The following CIAO2B variants were observed in gnomAD, a reference collection of about 807,000 sequenced individuals.
CIAO2B encodes the protein MSS19-interacting protein of 18 kDa.
In CIAO2B, 20 loss-of-function variants were observed where a neutral mutation model predicts 16.4. The observed-to-expected ratio is 1.22, with a 90% confidence interval of 0.86 to 1.77. The LOEUF (loss-of-function observed/expected upper bound fraction) is 1.77, where lower values mean the gene tolerates loss of function less well. Ranked by LOEUF, CIAO2B falls within the 40% of genes most tolerant of loss-of-function variation. The probability of loss-of-function intolerance (pLI) is 0.00; values close to 1 mark genes in which losing one functional copy is unlikely to be tolerated. For missense variants in CIAO2B, 215 were observed against 222.4 expected, an observed-to-expected ratio of 0.97 and a Z score of 0.21; for synonymous variants, 106 against 90.4, an observed-to-expected ratio of 1.17 and a Z score of -0.98.
Position 66,934,329 on chromosome 16 carries a change from C to A in CIAO2B, c.36G>T (p.Leu12=). 6.3e-7 allele frequency: 1 copy of A among 1,591,202 alleles called. No individual in the cohort carries two copies. ...GGTAGATGAGGGGGTTGGCATTCTC[C>A]AGGAGGCCGCCGCCGACCCCGCCGC... is the stretch of plus-strand genomic sequence containing the variant. ...VGGGGVGGGL[L]ENANPLIYQR... The change falls in exon 1 of 5, where the codon CTG becomes CTT. Residue 12 remains leucine, a synonymous_variant. Coordinates refer to ENST00000422424, the MANE Select transcript of CIAO2B (RefSeq NM_016062.4). This position sits in a 1 kb window ranked among gnomAD's most constrained non-coding sequence, Gnocchi z 4.1.
In CIAO2B at chr16:66,932,275, C is replaced by A. The variant is rs780334623; in HGVS notation, c.420G>T (p.Glu140Asp). The stretch of plus-strand genomic sequence containing the variant: ...TGTTCTCCAGGGCAGCTGCCACCCG[C>A]TCCTTATCTGCAAGTTGCTTGTTCA... ...HAVNKQLADKERVAAALENTH... is the reference protein window; with the variant it reads ...HAVNKQLADKDRVAAALENTH... Residue 140 changes from glutamate (E) to aspartate (D), a missense_variant, in exon 5 of 5, where the codon GAG becomes GAT. By Grantham distance (45) the Glu-to-Asp change is conservative (BLOSUM62 2). Coordinates refer to ENST00000422424, the MANE Select transcript of CIAO2B (RefSeq NM_016062.4). 108 of 1,613,706 alleles carry A rather than the reference C, an allele frequency of 6.7e-5. No homozygotes were observed. Among genetic ancestry groups the A allele is most frequent in the Non-Finnish European group, 9.2e-5 (108 of 1,179,842 alleles).
intron 2 of CIAO2B, 46 bp downstream of exon 2, chr16:66,933,941 C>A (rs1385957397): frequency 6.2e-7 from 1 of 1,608,630 alleles, no homozygotes; most frequent in Non-Finnish European, 8.5e-7. Context: ...GCACAGAAAC[C>A]TTTCTGACTC....
intron 2 of CIAO2B, 56 bp downstream of exon 2, chr16:66,933,931 G>C: frequency 1.9e-6 from 3 of 1,603,088 alleles, no homozygotes; most frequent in Non-Finnish European, 1.7e-6. Context: ...AGCTCCTGCT[G>C]CACAGAAACC....
rs747220172 is a variant in CIAO2B at position 66,934,355 on chromosome 16, C to A, written c.10G>T (p.Gly4Cys). MVG[G>C]GGVGGGLLEN... ...AGGAGGCCGCCGCCGACCCCGCCGC[C>A]GCCTACCATCGCGGAACCACCACCG... The change falls in exon 1 of 5, where the codon GGC (glycine) becomes TGC (cysteine). Residue 4 changes from glycine to cysteine, a missense_variant. Coordinates refer to ENST00000422424, the MANE Select transcript of CIAO2B (RefSeq NM_016062.4). The surrounding 1 kb of genome is among the most constrained non-coding windows in gnomAD (Gnocchi z 4.1). 1.3e-6 allele frequency: 2 copies of A among 1,559,206 alleles called. No homozygotes were observed. Among genetic ancestry groups the A allele is most frequent in the Non-Finnish European group, 1.7e-6 (2 of 1,159,470 alleles).
rs1385873864 is a variant in CIAO2B at position 66,933,699 on chromosome 16, GGT to G, written c.261_262del (p.Pro88AsnfsTer51). ...GGCCATGCTGCAGTGCGGAATGGTT[GGT>G]GTGAAAGCCACAGCCACTGTACTCT... On this transcript the variant is annotated frameshift_variant, in exon 3 of 5. Coordinates refer to ENST00000422424, the MANE Select transcript of CIAO2B (RefSeq NM_016062.4). LOFTEE classifies it high-confidence loss of function. 3.2e-6 allele frequency: 5 copies of G among 1,584,858 alleles called. No homozygotes were observed. The highest frequency in any genetic ancestry group is 4.3e-6 in the Non-Finnish European group (5 of 1,165,586).
chr16:66,933,872 T>C, intron 2 of CIAO2B, 115 bp downstream of exon 2: 1 of 1,542,620 alleles, frequency 6.5e-7, no homozygotes, highest in Non-Finnish European at 8.8e-7. Flanking sequence ...GGCACAACAA[T>C]CTCCCTCCCC....
Position 66,934,136 on chromosome 16 carries a change from G to A in CIAO2B, c.143-70C>T, listed in dbSNP as rs1247405840. On this transcript the variant is annotated intron_variant, in intron 1 of 4. Coordinates refer to ENST00000422424, the MANE Select transcript of CIAO2B (RefSeq NM_016062.4). This position sits in a 1 kb window ranked among gnomAD's most constrained non-coding sequence, Gnocchi z 4.1. ...AACCCTCTGCCAGGAACGCCCTGCTGGGATGCGGCTCCACCAGCTGCTCGA... is the reference window on the plus strand; with the variant it reads ...AACCCTCTGCCAGGAACGCCCTGCTAGGATGCGGCTCCACCAGCTGCTCGA... 6.2e-7 allele frequency: 1 copy of A among 1,611,432 alleles called. No individual in the cohort carries two copies. The highest frequency in any genetic ancestry group is 8.5e-7 in the Non-Finnish European group (1 of 1,179,006).
Position 66,934,283 on chromosome 16 carries a change from C to G in CIAO2B, c.82G>C (p.Val28Leu). Residue 28 changes from valine (V) to leucine (L), a missense_variant, in exon 1 of 5, where the codon GTG becomes CTG. By Grantham distance (32) the Val-to-Leu change is conservative. Coordinates refer to ENST00000422424, the MANE Select transcript of CIAO2B (RefSeq NM_016062.4). The surrounding 1 kb of genome is among the most constrained non-coding windows in gnomAD (Gnocchi z 4.1). ...TGCTCGTCCTCCTCGCCTGCCGTCA[C>G]AGGCCGCTCCCCAGAGCGCTGGTAG... ...LIYQRSGERP[V>L]TAGEEDEQVP... 1 of 1,608,968 alleles carries G rather than the reference C, an allele frequency of 6.2e-7. No individual in the cohort carries two copies. Among genetic ancestry groups the G allele is most frequent in the Non-Finnish European group, 8.5e-7 (1 of 1,179,576 alleles).
Position 66,934,119 on chromosome 16 carries a change from G to C in CIAO2B, c.143-53C>G, listed in dbSNP as rs969812225. 4 of 1,611,744 alleles carry C rather than the reference G, an allele frequency of 2.5e-6. No homozygotes were observed. The highest frequency in any genetic ancestry group is 3.4e-6 in the Non-Finnish European group (4 of 1,179,102). ...CGCCCTTGCCCACTTAGAACCCTCT[G>C]CCAGGAACGCCCTGCTGGGATGCGG... On this transcript the variant is annotated intron_variant, in intron 1 of 4. Coordinates refer to ENST00000422424, the MANE Select transcript of CIAO2B (RefSeq NM_016062.4). This position sits in a 1 kb window ranked among gnomAD's most constrained non-coding sequence, Gnocchi z 4.1.
At chr16:66,933,836 G>A (rs561089681) in intron 2 of CIAO2B, 97 bp from the exon 3 acceptor site, 1 of 1,536,148 alleles carries the variant, frequency 6.5e-7, no homozygotes, top group East Asian at 2.5e-5. Context: ...ACTTCTATGG[G>A]CCTCAGTTTC....
rs1313248756 is a variant in CIAO2B at position 66,934,213 on chromosome 16, C to G, written c.142+10G>C. The stretch of plus-strand genomic sequence containing the variant: ...CCCGGAACCCGCCCGCGCCCAGCAG[C>G]GGCGGATATCGAAGATCTCGCGTGC... On this transcript the variant is annotated intron_variant, in intron 1 of 4. Transcript: ENST00000422424. This position sits in a 1 kb window ranked among gnomAD's most constrained non-coding sequence, Gnocchi z 4.1. 2 of 1,608,110 alleles carry G rather than the reference C, an allele frequency of 1.2e-6. No individual in the cohort carries two copies. The highest frequency in any genetic ancestry group is 2.7e-5 in the African/African-American group (2 of 74,986).
rs1411739980 is a variant in CIAO2B, at chr16:66,934,389, A to C, written c.-25T>G. 6.7e-7 allele frequency: 1 copy of C among 1,502,874 alleles called. No homozygotes were observed. The highest frequency in any genetic ancestry group is 1.4e-5 in the African/African-American group (1 of 72,062). The allele number at this position is 1,502,874 out of a possible 1,614,324, so 93.1% of individuals were successfully genotyped here. A position where few individuals can be genotyped will look rare whatever the true frequency, so the allele number is the denominator to read the frequency against. On this transcript the variant is annotated 5_prime_UTR_variant, in exon 1 of 5. Coordinates refer to ENST00000422424, the MANE Select transcript of CIAO2B (RefSeq NM_016062.4). The surrounding 1 kb of genome is among the most constrained non-coding windows in gnomAD (Gnocchi z 4.1). ...TCGCGGAACCACCACCGCTGATCCT[A>C]GCAGGCGTGCGCTTCCGCTCCAACC...
rs1381433739 is a variant in CIAO2B, at chr16:66,934,334, G to GGCCGCCGCCGACCCC, written c.16_30dup (p.Gly6_Gly10dup). 21 of 1,585,488 alleles carry GGCCGCCGCCGACCCC rather than the reference G, an allele frequency of 1.3e-5. No homozygotes were observed. Among genetic ancestry groups the GGCCGCCGCCGACCCC allele is most frequent in the Admixed American group, 1.8e-5 (1 of 56,234 alleles). ...ATGAGGGGGTTGGCATTCTCCAGGA[G>GGCCGCCGCCGACCCC]GCCGCCGCCGACCCCGCCGCCGCCT... On this transcript the variant is annotated inframe_insertion, in exon 1 of 5. Transcript: ENST00000422424. This position sits in a 1 kb window ranked among gnomAD's most constrained non-coding sequence, Gnocchi z 4.1.
At position 66,934,050 on chromosome 16, in the gene CIAO2B, G is replaced by GA; in HGVS notation, c.158dup (p.Asn54GlnfsTer2). On this transcript the variant is annotated frameshift_variant, in exon 2 of 5. Transcript: ENST00000422424. LOFTEE classifies it high-confidence loss of function. The surrounding 1 kb of genome is among the most constrained non-coding windows in gnomAD (Gnocchi z 4.1). ...GCGTCAGTGGATGCTCCGGGTCATTGATGGAGCGAATCAGATGTGGGAAGT... is the reference window on the plus strand; with the variant it reads ...GCGTCAGTGGATGCTCCGGGTCATTGAATGGAGCGAATCAGATGTGGGAAGT... The GA allele has an allele frequency of 6.2e-7, 1 of 1,613,734 alleles. No homozygotes were observed. The highest frequency in any genetic ancestry group is 8.5e-7 in the Non-Finnish European group (1 of 1,179,848).
chr16:66,932,724 C>A, intron 4 of CIAO2B, 56 bp downstream of exon 4: 1 of 1,570,298 alleles, frequency 6.4e-7, no homozygotes, highest in South Asian at 1.2e-5. Flanking sequence ...AGGGGGAAGC[C>A]TCAGACTGCT....
chr16:66,933,449 T>G (rs1029827880), intron 3 of CIAO2B, 165 bp downstream of exon 3: 2 of 925,972 alleles, frequency 2.2e-6, no homozygotes, highest in Non-Finnish European at 1.6e-6. Flanking sequence ...TCTTTATTCT[T>G]GTCACATCGA....
chr16:66,932,144 C>A lies in CIAO2B; in HGVS notation c.*59G>T. The A allele has an allele frequency of 7.6e-7, 1 of 1,321,092 alleles. No individual in the cohort carries two copies. Among genetic ancestry groups the A allele is most frequent in the Admixed American group, 2.1e-5 (1 of 46,538 alleles). 81.8% of individuals were successfully genotyped at this position (1,321,092 alleles called of 1,614,324 possible). Reference sequence around the variant, plus strand: ...TGATTCAAGAAAACAACGGTAACAGCCCTGGCAGGAGCTGGGACCAGGATA... The same window carrying A: ...TGATTCAAGAAAACAACGGTAACAGACCTGGCAGGAGCTGGGACCAGGATA... On this transcript the variant is annotated 3_prime_UTR_variant, in exon 5 of 5. Transcript: ENST00000422424.
chr16:66,934,352 C>T lies in CIAO2B; in HGVS notation c.13G>A (p.Gly5Ser), dbSNP rs746181958. 231 of 1,565,518 alleles carry T rather than the reference C, an allele frequency of 1.5e-4. No homozygotes were observed. The highest frequency in any genetic ancestry group is 1.9e-4 in the Non-Finnish European group (225 of 1,162,662). The change falls in exon 1 of 5, where the codon GGC becomes AGC. Residue 5 changes from glycine (G) to serine (S), a missense_variant. Physicochemically the swap from Gly to Ser is moderately conservative, Grantham distance 56. Coordinates refer to ENST00000422424, the MANE Select transcript of CIAO2B (RefSeq NM_016062.4). The surrounding 1 kb of genome is among the most constrained non-coding windows in gnomAD (Gnocchi z 4.1). ...TCCAGGAGGCCGCCGCCGACCCCGCCGCCGCCTACCATCGCGGAACCACCA... is the reference window on the plus strand; with the variant it reads ...TCCAGGAGGCCGCCGCCGACCCCGCTGCCGCCTACCATCGCGGAACCACCA... MVGGGGVGGGLLENA... is the reference protein window; with the variant it reads MVGGSGVGGGLLENA...
chr16:66,934,143 G>A lies in CIAO2B; in HGVS notation c.143-77C>T, dbSNP rs920464951. The A allele has an allele frequency of 1.2e-6, 2 of 1,611,062 alleles. No homozygotes were observed. The highest frequency in any genetic ancestry group is 2.2e-5 in the East Asian group (1 of 44,818). The stretch of plus-strand genomic sequence containing the variant: ...TGCCAGGAACGCCCTGCTGGGATGC[G>A]GCTCCACCAGCTGCTCGATATCACT... On this transcript the variant is annotated intron_variant, in intron 1 of 4. Transcript: ENST00000422424. This position sits in a 1 kb window ranked among gnomAD's most constrained non-coding sequence, Gnocchi z 4.1.
Sources: gnomAD v4.1 joint callset for allele counts on GRCh38, gnomAD v4.1.1 for gene constraint, Gnocchi (gnomAD v3.1) non-coding constraint, MANE v1.5 for transcripts, NCBI Gene and HGNC (gene_info 2026-07-23, HGNC 2026-07-21) for gene names.